Variants in MDGA2 observed in about 807,000 individuals in gnomAD.
MDGA2 encodes the protein MAM domain-containing glycosylphosphatidylinositol anchor protein 2.
MDGA2 carries 40 observed loss-of-function variants against 117.8 expected under a neutral mutation model. That is an observed-to-expected ratio of 0.34 (90% CI 0.26 to 0.44). The LOEUF (loss-of-function observed/expected upper bound fraction) is 0.44, where lower values mean the gene tolerates loss of function less well. Ranked by LOEUF, MDGA2 falls within the 20% of genes least tolerant of loss-of-function variation. The probability of loss-of-function intolerance (pLI) is 1.00; values close to 1 mark genes in which losing one functional copy is unlikely to be tolerated. For missense variants in MDGA2, 1,123 were observed against 1,250.6 expected, an observed-to-expected ratio of 0.90 and a Z score of 1.54; for synonymous variants, 452 against 439.0, an observed-to-expected ratio of 1.03 and a Z score of -0.37.
At chr14:46,918,282 C>A (rs1169351725) in intron 10 of MDGA2, among the ~76,000 whole-genome samples, 3 of 151,516 alleles carry the variant, frequency 2.0e-5, no homozygotes, top group Non-Finnish European at 2.9e-5. Context: ...GCATGTATAA[C>A]AAAAAAATGA....
intron 1 of MDGA2, among the ~76,000 whole-genome samples, chr14:47,564,548 T>C (rs890156264): frequency 2.0e-5 from 3 of 152,084 alleles, no homozygotes; most frequent in Non-Finnish European, 2.9e-5. Context: ...ATGGCAGAAA[T>C]TGCTCCCATG....
chr14:46,857,839 A>T lies in MDGA2; in HGVS notation c.2753-2685T>A, dbSNP rs535549081. On this transcript the variant is annotated intron_variant, in intron 14 of 16. Coordinates refer to ENST00000399232, the MANE Select transcript of MDGA2 (RefSeq NM_001113498.3). ...CTAGCTAATTTATTTATCTTTTTTT[A>T]TGAATGGGGTCTCTCCATCTTACTC... 2.2e-3 allele frequency among the ~76,000 whole-genome samples: 339 copies of T among 151,880 alleles called. 1 individual carries two copies. Among genetic ancestry groups the T allele is most frequent in the African/African-American group, 7.8e-3 (323 of 41,430 alleles).
intron 6 of MDGA2, among the ~76,000 whole-genome samples, chr14:47,080,427 GAT>G (rs1293230882): frequency 6.6e-6 from 1 of 152,090 alleles, no homozygotes; most frequent in African/African-American, 2.4e-5. Flanking sequence ...CAAATCTTGA[GAT>G]ATATATGAGT....
At position 47,193,013 on chromosome 14, in the gene MDGA2, A is replaced by C. The variant is rs1188116969; in HGVS notation, c.595+25008T>G. Among the ~76,000 whole-genome samples the C allele has an allele frequency of 3.3e-5, 5 of 152,238 alleles. No individual in the cohort carries two copies. In the East Asian group the frequency reaches 9.6e-4, roughly 29 times the overall value. On this transcript the variant is annotated intron_variant, in intron 3 of 16. Coordinates refer to ENST00000399232, the MANE Select transcript of MDGA2 (RefSeq NM_001113498.3). Reference sequence around the variant, plus strand: ...GCTATCTGAATCTCATTGAAAGAATATCATTGTATTTTTTAAAAATCCCAA... The same window carrying C: ...GCTATCTGAATCTCATTGAAAGAATCTCATTGTATTTTTTAAAAATCCCAA...
intron 1 of MDGA2, among the ~76,000 whole-genome samples, chr14:47,551,462 C>T (rs12436068): frequency 6.6e-6 from 1 of 151,910 alleles, no homozygotes. Context: ...TACCTAAATA[C>T]AAACATATTG....
At chr14:47,496,672 C>A (rs760679512) in intron 1 of MDGA2, among the ~76,000 whole-genome samples, 24 of 151,432 alleles carry the variant, frequency 1.6e-4, no homozygotes, top group Non-Finnish European at 3.1e-4. Flanking sequence ...ATTAAGTATG[C>A]TGATATACTG....
At chr14:47,540,573 C>CACAG in intron 1 of MDGA2, among the ~76,000 whole-genome samples, 1 of 101,924 alleles carries the variant, frequency 9.8e-6, no homozygotes, top group South Asian at 4.7e-4. Context: ...TACACACACA[C>CACAG]ATAGAGAGAG....
intron 2 of MDGA2, among the ~76,000 whole-genome samples, chr14:47,230,704 C>T (rs1399850555): frequency 1.3e-5 from 2 of 151,884 alleles, no homozygotes; most frequent in Admixed American, 1.3e-4. Flanking sequence ...ATGTAAATGA[C>T]CTTTACATCT....
In MDGA2 at chr14:47,674,812, C is replaced by G. The variant is rs1336676971; in HGVS notation, c.-16G>C. 1 of 645,636 alleles carries G rather than the reference C, an allele frequency of 1.5e-6. No homozygotes were observed. 40.0% of individuals were successfully genotyped at this position (645,636 alleles called of 1,614,324 possible). A position where few individuals can be genotyped will look rare whatever the true frequency, so the allele number is the denominator to read the frequency against. On this transcript the variant is annotated 5_prime_UTR_variant, in exon 1 of 17. Coordinates refer to ENST00000399232, the MANE Select transcript of MDGA2 (RefSeq NM_001113498.3). Reference sequence around the variant, plus strand: ...ACACACTCATGCACACACACACTCACACACACTCACACACTCTCCCACAAC... The same window carrying G: ...ACACACTCATGCACACACACACTCAGACACACTCACACACTCTCCCACAAC...
intron 9 of MDGA2, among the ~76,000 whole-genome samples, chr14:46,949,891 A>G (rs888331687): frequency 4.0e-5 from 6 of 151,832 alleles, no homozygotes; most frequent in African/African-American, 1.4e-4. Flanking sequence ...GCAGGGTTGA[A>G]TGCTAGTGGC....
At chr14:46,959,332 C>T (rs1465103002) in intron 8 of MDGA2, among the ~76,000 whole-genome samples, 6 of 148,062 alleles carry the variant, frequency 4.1e-5, no homozygotes, top group African/African-American at 1.2e-4. Context: ...TATAGTCTAA[C>T]ATTATCATGG....
At chr14:47,139,102 CATT>C (rs1427609234) in intron 4 of MDGA2, among the ~76,000 whole-genome samples, 2 of 151,948 alleles carry the variant, frequency 1.3e-5, no homozygotes, top group African/African-American at 4.8e-5. Flanking sequence ...AAAAACAAGA[CATT>C]ATTATTAAAT....
At chr14:47,364,531 T>A (rs1463033795) in intron 1 of MDGA2, among the ~76,000 whole-genome samples, 1 of 152,224 alleles carries the variant, frequency 6.6e-6, no homozygotes, top group African/African-American at 2.4e-5. Flanking sequence ...CCCAACGTGC[T>A]GGGATTACAG....
intron 1 of MDGA2, among the ~76,000 whole-genome samples, chr14:47,387,035 C>A (rs554753164): frequency 3.3e-5 from 5 of 152,204 alleles, no homozygotes; most frequent in Admixed American, 1.3e-4. Context: ...AGCACCAAAG[C>A]AAATATGATC....
At chr14:47,505,534 AGT>A (rs1894493145) in intron 1 of MDGA2, among the ~76,000 whole-genome samples, 1 of 152,168 alleles carries the variant, frequency 6.6e-6, no homozygotes. Context: ...TATGTACTCA[AGT>A]GTTTGTCAAA....
intron 1 of MDGA2, among the ~76,000 whole-genome samples, chr14:47,619,450 G>GT (rs749276587): frequency 6.6e-6 from 1 of 152,062 alleles, no homozygotes; most frequent in African/African-American, 2.4e-5. Flanking sequence ...AATTTCACAG[G>GT]TAAGTCAAAG....
At chr14:47,609,538 G>T (rs1231173769) in intron 1 of MDGA2, among the ~76,000 whole-genome samples, 1 of 144,652 alleles carries the variant, frequency 6.9e-6, no homozygotes, top group Non-Finnish European at 1.5e-5. Flanking sequence ...GAATTGTGCT[G>T]CTATAAAAAT....
chr14:47,531,285 A>T (rs1895094927), intron 1 of MDGA2, among the ~76,000 whole-genome samples: 2 of 152,116 alleles, frequency 1.3e-5, no homozygotes, highest in Non-Finnish European at 2.9e-5. Flanking sequence ...TTAACATTAC[A>T]TTCCCAGTAG....
intron 1 of MDGA2, among the ~76,000 whole-genome samples, chr14:47,378,446 C>T (rs1269118535): frequency 6.6e-5 from 10 of 152,148 alleles, no homozygotes; most frequent in East Asian, 3.9e-4. Flanking sequence ...TTGAACCCAT[C>T]GCAAAGAAGC....
Sources: gnomAD v4.1 joint callset for allele counts (sites outside exome capture counted in the v4.1 genomes callset) on GRCh38, gnomAD v4.1.1 for gene constraint, MANE v1.5 for transcripts, NCBI Gene and HGNC (gene_info 2026-07-23, HGNC 2026-07-21) for gene names.